The following MCPH1 variants were observed in gnomAD, a reference collection of about 807,000 sequenced individuals.
MCPH1 encodes microcephalin.
MCPH1 carries 104 observed loss-of-function variants against 84.5 expected under a neutral mutation model. The ratio of observed to expected loss-of-function variants is 1.23; its 90% CI spans 1.05 to 1.45. MCPH1 has a LOEUF of 1.45. MCPH1 is among the 40% of genes most tolerant of loss of function. The pLI is 0.00. For synonymous variants in MCPH1, 514 were observed against 366.8 expected (o/e 1.40, Z -4.58); for missense variants, 1,498 against 1,005.7 (o/e 1.49, Z -6.62).
In MCPH1 at chr8:6,598,608, G is replaced by A. The variant is rs562235407; in HGVS notation, c.2215-22846G>A. Among the ~76,000 whole-genome samples the A allele has an allele frequency of 2.6e-5, 4 of 152,336 alleles. No individual in the cohort carries two copies. The South Asian group carries it at 8.3e-4, about 32-fold the overall frequency. The stretch of plus-strand genomic sequence containing the variant: ...CCCGAACACCCAAGGCTTTCCAAAA[G>A]GTAAACACCATTTCCCCCAAGCGAC... On this transcript the variant is annotated intron_variant, in intron 12 of 13. Coordinates refer to ENST00000344683, the MANE Select transcript of MCPH1 (RefSeq NM_024596.5).
In MCPH1 at chr8:6,645,175, C is replaced by T. The variant is rs1798152353; in HGVS notation, c.*2126C>T. On this transcript the variant is annotated 3_prime_UTR_variant, in exon 14 of 14. Coordinates refer to ENST00000344683, the MANE Select transcript of MCPH1 (RefSeq NM_024596.5). ...CCACCACATCAGCCACGGAGCCAGC[C>T]CAGCCTCTGCCCACCCAGGCCTCAG... 1 of 152,392 alleles carries T rather than the reference C, an allele frequency of 6.6e-6. No individual in the cohort carries two copies. The highest frequency in any genetic ancestry group is 2.4e-5 in the African/African-American group (1 of 41,404). The allele number at this position is 152,392 out of a possible 1,614,324, so 9.4% of individuals were successfully genotyped here. A position where few individuals can be genotyped will look rare whatever the true frequency, so the allele number is the denominator to read the frequency against.
chr8:6,449,753 ATCT>A (rs141274243), intron 8 of MCPH1, among the ~76,000 whole-genome samples: 1,970 of 152,102 alleles, frequency 0.013, 43 homozygotes, highest in African/African-American at 0.044. Flanking sequence ...GGGAATGGAG[ATCT>A]TCTTGTTTTA....
At chr8:6,438,233 A>G (rs1175438310) in intron 5 of MCPH1, among the ~76,000 whole-genome samples, 4 of 152,228 alleles carry the variant, frequency 2.6e-5, no homozygotes, top group Admixed American at 2.0e-4. Context: ...CCAAATATGT[A>G]TCGTAATTAA....
intron 12 of MCPH1, among the ~76,000 whole-genome samples, chr8:6,510,272 T>C (rs1814778310): frequency 1.3e-5 from 2 of 152,038 alleles, no homozygotes; most frequent in Non-Finnish European, 2.9e-5. Context: ...GGGTATGCCA[T>C]GTTGGCACGT....
chr8:6,414,738 A>G (rs1284956130), intron 2 of MCPH1, 27 bp from the exon 3 acceptor site: 3 of 1,611,778 alleles, frequency 1.9e-6, no homozygotes, highest in South Asian at 2.2e-5. Flanking sequence ...AGTAATGTAC[A>G]TTTTGTTTTC....
intron 13 of MCPH1, among the ~76,000 whole-genome samples, chr8:6,627,670 C>T (rs1041000287): frequency 1.3e-5 from 2 of 152,224 alleles, no homozygotes; most frequent in East Asian, 1.9e-4. Flanking sequence ...GCGGGTGGGT[C>T]GTTTGAGCCC....
chr8:6,514,682 T>G, intron 12 of MCPH1: 1 of 1,613,832 alleles, frequency 6.2e-7, no homozygotes, highest in Non-Finnish European at 8.5e-7. Flanking sequence ...CTTACCACTT[T>G]ATATTCTTTC....
chr8:6,628,959 T>C (rs1188240230), intron 13 of MCPH1, among the ~76,000 whole-genome samples: 3 of 152,220 alleles, frequency 2.0e-5, no homozygotes, highest in Non-Finnish European at 4.4e-5. Context: ...TGTTGTTGCA[T>C]ATTAGACAGT....
intron 12 of MCPH1, among the ~76,000 whole-genome samples, chr8:6,565,099 C>A (rs1826044977): frequency 6.6e-6 from 1 of 152,212 alleles, no homozygotes. Flanking sequence ...AAAGATGAGA[C>A]CTGTGTTAGA....
chr8:6,521,379 C>T, intron 12 of MCPH1: 1 of 1,613,136 alleles, frequency 6.2e-7, no homozygotes, highest in East Asian at 2.2e-5. Context: ...ATGTGCTTGT[C>T]TTCCATAGCT....
At chr8:6,425,458 C>T (rs1248297837) in intron 3 of MCPH1, among the ~76,000 whole-genome samples, 2 of 152,148 alleles carry the variant, frequency 1.3e-5, no homozygotes, top group African/African-American at 4.8e-5. Context: ...TAGCTGTTGG[C>T]ATGCAGAACG....
intron 12 of MCPH1, chr8:6,501,051 A>G (rs960012871): frequency 6.6e-6 from 1 of 152,244 alleles, no homozygotes; most frequent in Non-Finnish European, 1.5e-5. Context: ...ATACAAGGCC[A>G]TGATACCGTT....
intron 9 of MCPH1, among the ~76,000 whole-genome samples, chr8:6,458,528 G>C (rs1404669728): frequency 6.6e-6 from 1 of 151,770 alleles, no homozygotes; most frequent in African/African-American, 2.4e-5. Flanking sequence ...AAGGTTGAGT[G>C]AGTGTTTTAG....
chr8:6,513,423 C>A (rs895331283), intron 12 of MCPH1, among the ~76,000 whole-genome samples: 3 of 151,530 alleles, frequency 2.0e-5, no homozygotes, highest in African/African-American at 7.3e-5. Context: ...AGCTCCGCCT[C>A]CCGGGTTCAC....
At chr8:6,436,202 C>A in intron 5 of MCPH1, 40 bp downstream of exon 5, 1 of 1,598,858 alleles carries the variant, frequency 6.3e-7, no homozygotes, top group South Asian at 1.1e-5. Flanking sequence ...GCATTTGTGT[C>A]CATACACCTT....
chr8:6,446,903 GTT>G, intron 8 of MCPH1: 1 of 985,366 alleles, frequency 1.0e-6, no homozygotes, highest in Non-Finnish European at 1.2e-6. Flanking sequence ...AGCCTCCGGG[GTT>G]GGGGGTAAGT....
rs180711325 is a variant in MCPH1, at chr8:6,632,822, A to G, written c.2453-10172A>G. On this transcript the variant is annotated intron_variant, in intron 13 of 13. Coordinates refer to ENST00000344683, the MANE Select transcript of MCPH1 (RefSeq NM_024596.5). The stretch of plus-strand genomic sequence containing the variant: ...AGACTCTGTCTAAGAAGAAGAAAAG[A>G]AAAAAAAACTCAGAAATAAGATATT... 8.4e-3 allele frequency among the ~76,000 whole-genome samples: 1,021 copies of G among 122,090 alleles called. 12 individuals are homozygous for G. The highest frequency in any genetic ancestry group is 0.028 in the Admixed American group (272 of 9,722). The allele number at this position is 122,090 out of a possible 152,430, so 80.1% of individuals were successfully genotyped here.
At chr8:6,495,843 T>A (rs1009900285) in intron 11 of MCPH1, among the ~76,000 whole-genome samples, 4 of 152,212 alleles carry the variant, frequency 2.6e-5, no homozygotes, top group Non-Finnish European at 4.4e-5. Context: ...TTGAACTGTT[T>A]GAAATCAACT....
chr8:6,492,552 C>A (rs945999314), intron 11 of MCPH1, among the ~76,000 whole-genome samples: 1 of 151,356 alleles, frequency 6.6e-6, no homozygotes, highest in Non-Finnish European at 1.5e-5. Context: ...CTTGTCCATG[C>A]CTGTGTCCTG....
Sources: allele counts gnomAD v4.1 joint callset (sites outside exome capture counted in the v4.1 genomes callset), GRCh38; gene constraint gnomAD v4.1.1; transcripts MANE v1.5; gene names NCBI Gene and HGNC (gene_info 2026-07-23, HGNC 2026-07-21).